The following PDZRN4 variants were observed in gnomAD, a reference collection of about 807,000 sequenced individuals.
PDZRN4 encodes PDZ domain containing ring finger 4.
In PDZRN4, 70 loss-of-function variants were observed where a neutral mutation model predicts 99.0. The ratio of observed to expected loss-of-function variants is 0.71; its 90% confidence interval spans 0.58 to 0.86. PDZRN4 has a LOEUF of 0.86. Ranked by LOEUF, PDZRN4 falls within the 40% of genes least tolerant of loss-of-function variation. The pLI is 0.00. For missense variants in PDZRN4, 1,474 were observed against 1,331.2 expected, an observed-to-expected ratio of 1.11 and a Z score of -1.67; for synonymous variants, 551 against 501.6, an observed-to-expected ratio of 1.10 and a Z score of -1.32.
rs548625807 is a variant in PDZRN4 at position 41,544,441 on chromosome 12, G to A, written c.1204-8215G>A. Reference sequence around the variant, plus strand: ...TTAGCAGTTAACTAATTCAACAAACGCATGTGGGGCTTCTCATAAGCTCTC... The same window carrying A: ...TTAGCAGTTAACTAATTCAACAAACACATGTGGGGCTTCTCATAAGCTCTC... On this transcript the variant is annotated intron_variant, in intron 5 of 9. Coordinates refer to ENST00000402685, the MANE Select transcript of PDZRN4 (RefSeq NM_001164595.2). 1.4e-4 allele frequency among the ~76,000 whole-genome samples: 22 copies of A among 152,210 alleles called. 1 individual carries two copies. The highest frequency in any genetic ancestry group is 4.6e-4 in the African/African-American group (19 of 41,540).
intron 3 of PDZRN4, among the ~76,000 whole-genome samples, chr12:41,473,184 G>A (rs966749845): frequency 5.9e-5 from 9 of 151,966 alleles, no homozygotes; most frequent in Non-Finnish European, 1.3e-4. Context: ...GTCAAAAAGT[G>A]ATCACAAATT....
chr12:41,510,593 T>C (rs1592091135), intron 5 of PDZRN4, among the ~76,000 whole-genome samples: 1 of 152,264 alleles, frequency 6.6e-6, no homozygotes, highest in East Asian at 1.9e-4. Context: ...CAGACTACTC[T>C]GACATTTAAA....
At chr12:41,251,399 G>A (rs889010975) in intron 3 of PDZRN4, among the ~76,000 whole-genome samples, 1 of 151,930 alleles carries the variant, frequency 6.6e-6, no homozygotes, top group African/African-American at 2.4e-5. Context: ...TTCTTTGGGG[G>A]CATTTTCCCT....
intron 5 of PDZRN4, among the ~76,000 whole-genome samples, chr12:41,533,155 C>T (rs1050809890): frequency 6.6e-6 from 1 of 150,846 alleles, no homozygotes; most frequent in African/African-American, 2.4e-5. Context: ...TTTATTTCTT[C>T]CTGGTCAGCT....
chr12:41,335,328 A>G (rs2121002912), intron 3 of PDZRN4, among the ~76,000 whole-genome samples: 1 of 151,720 alleles, frequency 6.6e-6, no homozygotes, highest in East Asian at 1.9e-4. Context: ...AGTTTGTTAC[A>G]TATGTATACA....
At chr12:41,465,570 A>G (rs1203158070) in intron 3 of PDZRN4, among the ~76,000 whole-genome samples, 1 of 152,248 alleles carries the variant, frequency 6.6e-6, no homozygotes, top group East Asian at 1.9e-4. Context: ...ATAGGTTAAT[A>G]TAATAACATC....
chr12:41,504,093 A>G (rs1592088022), intron 3 of PDZRN4, among the ~76,000 whole-genome samples: 1 of 151,806 alleles, frequency 6.6e-6, no homozygotes, highest in African/African-American at 2.4e-5. Context: ...ACATAGTGAA[A>G]CCCCGTCTCT....
At chr12:41,195,717 A>G (rs7980425) in intron 3 of PDZRN4, among the ~76,000 whole-genome samples, 150,754 of 152,276 alleles carry the variant, frequency 0.99, 74,637 homozygotes, top group Middle Eastern at 1. Context: ...TATCCAGTTC[A>G]TCTTGACAAT....
intron 3 of PDZRN4, among the ~76,000 whole-genome samples, chr12:41,498,401 T>C (rs923677611): frequency 6.6e-6 from 1 of 152,122 alleles, no homozygotes; most frequent in Non-Finnish European, 1.5e-5. Flanking sequence ...AATGTGTTTC[T>C]CACAGTTCTT....
chr12:41,435,508 G>A (rs1036293837), intron 3 of PDZRN4, among the ~76,000 whole-genome samples: 3 of 152,290 alleles, frequency 2.0e-5, no homozygotes, highest in Non-Finnish European at 4.4e-5. Context: ...CAGAGTATGG[G>A]CTGGGTGCGT....
At chr12:41,529,591 A>G (rs1031435756) in intron 5 of PDZRN4, among the ~76,000 whole-genome samples, 1 of 152,238 alleles carries the variant, frequency 6.6e-6, no homozygotes, top group African/African-American at 2.4e-5. Context: ...TTCTGGCCAC[A>G]GTGAATTAAT....
rs1013816707 is a variant in PDZRN4, at chr12:41,481,982, A to G, written c.844-24474A>G. ...ACTTTCTTTAGTTTTGGCATTTTTA[A>G]TGCTTTTTGGCAACAACTAACATAC... On this transcript the variant is annotated intron_variant, in intron 3 of 9. Transcript: ENST00000402685. Among the ~76,000 whole-genome samples the G allele has an allele frequency of 3.9e-5, 6 of 152,124 alleles. No homozygotes were observed. In the East Asian group the frequency reaches 1.2e-3, roughly 29 times the overall value.
At chr12:41,502,808 T>A (rs1386121227) in intron 3 of PDZRN4, among the ~76,000 whole-genome samples, 1 of 152,054 alleles carries the variant, frequency 6.6e-6, no homozygotes, top group East Asian at 1.9e-4. Context: ...AGGGACAGAA[T>A]ATAGTGGTAA....
intron 3 of PDZRN4, among the ~76,000 whole-genome samples, chr12:41,492,610 A>G (rs1937910880): frequency 6.6e-6 from 1 of 152,168 alleles, no homozygotes. Context: ...GGAACTGTTT[A>G]ATGCCAAGTC....
At chr12:41,494,044 C>T (rs1287221091) in intron 3 of PDZRN4, among the ~76,000 whole-genome samples, 4 of 81,108 alleles carry the variant, frequency 4.9e-5, no homozygotes, top group Admixed American at 3.9e-4. Context: ...GTCACAGAAA[C>T]ATTTTTATTT....
At chr12:41,305,953 A>G (rs1951566843) in intron 3 of PDZRN4, among the ~76,000 whole-genome samples, 1 of 152,226 alleles carries the variant, frequency 6.6e-6, no homozygotes, top group African/African-American at 2.4e-5. Context: ...ATTCCTCTCC[A>G]GCTATAAACC....
intron 3 of PDZRN4, among the ~76,000 whole-genome samples, chr12:41,304,341 G>A (rs11180726): frequency 0.46 from 69,344 of 152,002 alleles, 18,695 homozygotes; most frequent in Middle Eastern, 0.65. Context: ...TTGACTTAGT[G>A]CTTATCTAAA....
chr12:41,209,605 T>C (rs1483233140), intron 3 of PDZRN4, among the ~76,000 whole-genome samples: 2 of 150,910 alleles, frequency 1.3e-5, no homozygotes, highest in Middle Eastern at 3.4e-3. Flanking sequence ...TGTTTGGTTT[T>C]TTGTCCTTGC....
chr12:41,314,061 A>T (rs903443827), intron 3 of PDZRN4, among the ~76,000 whole-genome samples: 8 of 152,192 alleles, frequency 5.3e-5, no homozygotes, highest in Non-Finnish European at 1.2e-4. Flanking sequence ...GGAAATTACC[A>T]CTTATTGTTA....
Sources: allele counts gnomAD v4.1 joint callset (sites outside exome capture counted in the v4.1 genomes callset), GRCh38; gene constraint gnomAD v4.1.1; transcripts MANE v1.5; gene names NCBI Gene and HGNC (gene_info 2026-07-23, HGNC 2026-07-21).